GLIS3: variants seen among roughly 807,000 people sequenced by gnomAD.
The protein encoded by GLIS3 is zinc finger protein GLIS3.
A neutral mutation model predicts 78.6 loss-of-function variants in GLIS3; 53 were observed. That is an observed-to-expected ratio of 0.67 (90% CI 0.54 to 0.85). The LOEUF (loss-of-function observed/expected upper bound fraction) is 0.85. Among genes scored for constraint, GLIS3 ranks in the 40% least tolerant of loss-of-function variants. The pLI is 0.00. For missense variants in GLIS3, 1,703 were observed against 1,231.1 expected (o/e 1.38, Z -5.74); for synonymous variants, 684 against 509.9 (o/e 1.34, Z -4.60).
intron 3 of GLIS3, among the ~76,000 whole-genome samples, chr9:4,309,441 T>C (rs1158787326): frequency 1.3e-5 from 2 of 152,092 alleles, no homozygotes; most frequent in Admixed American, 6.5e-5. Context: ...TAACAGGAAT[T>C]GTGTGGCATA....
the GLIS3 span, among the ~76,000 whole-genome samples, chr9:4,379,794 G>A: frequency 2.0e-5 from 3 of 152,202 alleles, no homozygotes. Context: ...GAAGAAAGGA[G>A]CTCACTTTGC....
At chr9:4,431,524 C>T in the GLIS3 span, among the ~76,000 whole-genome samples, 2 of 152,100 alleles carry the variant, frequency 1.3e-5, no homozygotes, top group Non-Finnish European at 1.5e-5. Context: ...TACTCTTAGT[C>T]CAGAGGCTGG....
At chr9:4,159,769 G>C (rs1436546539) in intron 2 of GLIS3, among the ~76,000 whole-genome samples, 2 of 152,032 alleles carry the variant, frequency 1.3e-5, no homozygotes, top group Admixed American at 6.6e-5. Context: ...ATAAATCTGT[G>C]CTTGGGGGTT....
chr9:4,319,513 G>T (rs546672305), intron 2 of GLIS3, among the ~76,000 whole-genome samples: 1 of 150,072 alleles, frequency 6.7e-6, no homozygotes, highest in African/African-American at 2.5e-5. Flanking sequence ...AATGTGTTTT[G>T]GTAAAATCCA....
intron 2 of GLIS3, among the ~76,000 whole-genome samples, chr9:4,178,384 T>C (rs951143926): frequency 1.1e-4 from 16 of 152,214 alleles, no homozygotes; most frequent in Non-Finnish European, 2.4e-4. Context: ...TGATCACTTA[T>C]GAACGGCCTT....
At chr9:4,351,627 A>C (rs886492140), upstream of GLIS3, among the ~76,000 whole-genome samples, 1 of 152,216 alleles carries the variant, frequency 6.6e-6, no homozygotes, top group African/African-American at 2.4e-5. Context: ...AAAAGTATGT[A>C]GTTCGGTAAT....
chr9:4,217,392 C>A (rs949127131), intron 2 of GLIS3, among the ~76,000 whole-genome samples: 3 of 152,098 alleles, frequency 2.0e-5, no homozygotes, highest in Non-Finnish European at 4.4e-5. Context: ...AGCCTCTCAC[C>A]CTAAGGGCAG....
chr9:4,238,506 G>GC (rs1265591146), intron 2 of GLIS3, among the ~76,000 whole-genome samples: 2 of 152,070 alleles, frequency 1.3e-5, no homozygotes, highest in South Asian at 2.1e-4. Flanking sequence ...TGCCAAATAT[G>GC]CCCCCAACTT....
chr9:4,418,709 C>CA, the GLIS3 span, among the ~76,000 whole-genome samples: 612 of 150,666 alleles, frequency 4.1e-3, 3 homozygotes, highest in South Asian at 0.025. Flanking sequence ...AAAAAACAAA[C>CA]AAAAAAAAAC....
intron 4 of GLIS3, among the ~76,000 whole-genome samples, chr9:4,102,666 C>T (rs1830462319): frequency 6.6e-6 from 1 of 152,038 alleles, no homozygotes; most frequent in African/African-American, 2.4e-5. Context: ...AAAAGCACTG[C>T]CGTAACTAGT....
intron 2 of GLIS3, 65 bp from the exon 3 acceptor site, chr9:4,126,006 T>G: frequency 8.1e-7 from 1 of 1,237,630 alleles, no homozygotes; most frequent in East Asian, 2.3e-5. Context: ...AATACAGACA[T>G]GTGCACGCTT....
intron 9 of GLIS3, among the ~76,000 whole-genome samples, chr9:3,853,719 C>T (rs1819582982): frequency 6.6e-6 from 1 of 152,200 alleles, no homozygotes; most frequent in Non-Finnish European, 1.5e-5. Context: ...AATTTCAAAA[C>T]ACTTTTTAAA....
intron 4 of GLIS3, among the ~76,000 whole-genome samples, chr9:3,953,763 C>CAT (rs377114853): frequency 5.8e-5 from 7 of 119,696 alleles, no homozygotes; most frequent in African/African-American, 2.2e-4. Context: ...TAGATTTGCT[C>CAT]TCTCTCTCTC....
At chr9:4,194,735 T>C (rs1818651432) in intron 2 of GLIS3, among the ~76,000 whole-genome samples, 1 of 152,174 alleles carries the variant, frequency 6.6e-6, no homozygotes, top group South Asian at 2.1e-4. Flanking sequence ...GGAGGGAGTC[T>C]ACCTCTGTGA....
the GLIS3 span, among the ~76,000 whole-genome samples, chr9:4,355,663 A>C: frequency 6.6e-6 from 1 of 152,318 alleles, no homozygotes; most frequent in South Asian, 2.1e-4. Flanking sequence ...CCATCTTTTA[A>C]CAGCTAGGGA....
rs1171590831 is a variant in GLIS3, at chr9:4,095,128, C to T, written c.1710+22640G>A. On this transcript the variant is annotated intron_variant, in intron 4 of 10. Coordinates refer to ENST00000381971, the MANE Select transcript of GLIS3 (RefSeq NM_001042413.2). ...GATGAATAAAACACTAGAACTTATT[C>T]CTCCTATCTAGCTGTAATTTTGTAT... Among the ~76,000 whole-genome samples the T allele has an allele frequency of 3.3e-5, 5 of 152,238 alleles. No individual in the cohort carries two copies. The South Asian group carries it at 1.0e-3, about 32-fold the overall frequency.
chr9:3,948,501 G>T (rs1307539190), intron 4 of GLIS3, among the ~76,000 whole-genome samples: 1 of 152,090 alleles, frequency 6.6e-6, no homozygotes, highest in Non-Finnish European at 1.5e-5. Flanking sequence ...TAATTCTTAT[G>T]AAAAATACCT....
At chr9:4,217,097 C>A (rs1820921123) in intron 2 of GLIS3, among the ~76,000 whole-genome samples, 1 of 152,140 alleles carries the variant, frequency 6.6e-6, no homozygotes, top group Non-Finnish European at 1.5e-5. Context: ...TGTGATTTCT[C>A]CCATGCCCAA....
chr9:4,458,278 C>G, the GLIS3 span, among the ~76,000 whole-genome samples: 1 of 152,170 alleles, frequency 6.6e-6, no homozygotes, highest in Non-Finnish European at 1.5e-5. Flanking sequence ...AACTGCATGG[C>G]ATGCATTGTT....
Sources: allele counts gnomAD v4.1 joint callset (sites outside exome capture counted in the v4.1 genomes callset), GRCh38; gene constraint gnomAD v4.1.1; transcripts MANE v1.5; gene names NCBI Gene and HGNC (gene_info 2026-07-23, HGNC 2026-07-21).